KIAA2012: variants seen among roughly 807,000 people sequenced by gnomAD.
KIAA2012 encodes the protein uncharacterized protein KIAA2012.
Under a neutral mutation model 150.6 loss-of-function variants are expected in KIAA2012, and 125 were observed. That is an observed-to-expected ratio of 0.83 (90% CI 0.72 to 0.96). The LOEUF is 0.96. Among genes scored for constraint, KIAA2012 ranks in the 40% least tolerant of loss-of-function variants. The pLI is 0.00. For synonymous variants in KIAA2012, 462 were observed against 504.7 expected, an observed-to-expected ratio of 0.92 and a Z score of 1.13; for missense variants, 1,219 against 1,354.9, an observed-to-expected ratio of 0.90 and a Z score of 1.57.
chr2:202,165,234 T>A, intron 14 of KIAA2012, 50 bp from the exon 15 acceptor site: 1 of 1,505,312 alleles, frequency 6.6e-7, no homozygotes, highest in Non-Finnish European at 9.0e-7. Flanking sequence ...GTTTTAAGTG[T>A]TTGCATTTAT....
chr2:202,196,619 CTT>C (rs1692420147), intron 21 of KIAA2012, among the ~76,000 whole-genome samples, 179 bp from the exon 22 acceptor site: 1 of 152,118 alleles, frequency 6.6e-6, no homozygotes, highest in Non-Finnish European at 1.5e-5. Context: ...ATAAAGGACT[CTT>C]AAATTAGTAA....
intron 14 of KIAA2012, among the ~76,000 whole-genome samples, chr2:202,163,802 TTTTTTTC>T (rs1358267773): frequency 0.066 from 6,731 of 101,758 alleles, 491 homozygotes; most frequent in African/African-American, 0.21. Context: ...TTTTTTTTTT[TTTTTTTC>T]CTGTACCAGG....
rs748132200 is a variant in KIAA2012 at position 202,097,429 on chromosome 2, T to C, written c.686-6T>C. The C allele has an allele frequency of 9.7e-6, 15 of 1,550,342 alleles. No individual in the cohort carries two copies. Among genetic ancestry groups the C allele is most frequent in the South Asian group, 7.1e-5 (6 of 84,048 alleles). ...TGACAAGCTGACCCATTGTTCACCA[T>C]TGCAGGTCAACAGGGCCTGGATGAA... is the stretch of plus-strand genomic sequence containing the variant. On this transcript the variant is annotated splice_polypyrimidine_tract_variant and splice_region_variant and intron_variant, in intron 4 of 23. Transcript: ENST00000498697.
intron 12 of KIAA2012, among the ~76,000 whole-genome samples, chr2:202,128,131 C>G (rs4675263): frequency 2.0e-3 from 310 of 151,710 alleles, no homozygotes; most frequent in African/African-American, 7.0e-3. Flanking sequence ...TTCCCTTCCC[C>G]CTCCCTGCCG....
intron 22 of KIAA2012, among the ~76,000 whole-genome samples, chr2:202,198,046 C>T (rs1202693681): frequency 6.7e-6 from 1 of 150,320 alleles, no homozygotes; most frequent in East Asian, 2.0e-4. Flanking sequence ...TGGTGGCAGG[C>T]ACCTGTCATT....
intron 18 of KIAA2012, 45 bp downstream of exon 18, chr2:202,188,311 T>C: frequency 1.4e-6 from 2 of 1,480,250 alleles, no homozygotes; most frequent in Non-Finnish European, 1.8e-6. Context: ...AAGACTTCTG[T>C]TAGGGGTCGG....
At chr2:202,096,214 A>G (rs1031608679) in intron 4 of KIAA2012, among the ~76,000 whole-genome samples, 2 of 152,218 alleles carry the variant, frequency 1.3e-5, no homozygotes, top group Non-Finnish European at 2.9e-5. Context: ...TTTGACCCCA[A>G]GGAATCATTC....
At chr2:202,086,408 T>C (rs1689573678) in intron 2 of KIAA2012, among the ~76,000 whole-genome samples, 1 of 152,114 alleles carries the variant, frequency 6.6e-6, no homozygotes, top group African/African-American at 2.4e-5. Flanking sequence ...GGCTCCATAT[T>C]TCAGGGCCCA....
chr2:202,196,446 C>T (rs1009637369), intron 21 of KIAA2012, among the ~76,000 whole-genome samples: 2 of 151,822 alleles, frequency 1.3e-5, no homozygotes, highest in African/African-American at 4.8e-5. Flanking sequence ...CCGCCCGCCT[C>T]GGCCTCCCAA....
chr2:202,198,654 G>C (rs925796331), intron 22 of KIAA2012, among the ~76,000 whole-genome samples: 1 of 152,174 alleles, frequency 6.6e-6, no homozygotes, highest in South Asian at 2.1e-4. Context: ...GCTACATCAT[G>C]AACTTCCCTT....
At chr2:202,188,069 C>A (rs1692263408) in intron 17 of KIAA2012, 83 bp from the exon 18 acceptor site, 2 of 1,144,580 alleles carry the variant, frequency 1.7e-6, no homozygotes, top group Admixed American at 4.8e-5. Context: ...CAGTGTGTCA[C>A]CTTGTTCAAC....
intron 17 of KIAA2012, 99 bp downstream of exon 17, chr2:202,187,197 C>A: frequency 1.5e-6 from 2 of 1,330,692 alleles, no homozygotes; most frequent in Non-Finnish European, 2.0e-6. Flanking sequence ...TATGAGGGCA[C>A]CCGATAAAGG....
chr2:202,093,212 T>C, intron 4 of KIAA2012, 27 bp downstream of exon 4: 1 of 1,547,774 alleles, frequency 6.5e-7, no homozygotes, highest in South Asian at 1.2e-5. Context: ...ATGTTGATTT[T>C]ATGACCAGTT....
intron 13 of KIAA2012, among the ~76,000 whole-genome samples, chr2:202,142,496 AG>A (rs1050362579): frequency 1.3e-5 from 2 of 152,210 alleles, no homozygotes; most frequent in Non-Finnish European, 2.9e-5. Context: ...GATTTTGGGG[AG>A]GTTTAGAATC....
chr2:202,197,084 A>G, intron 22 of KIAA2012, 65 bp downstream of exon 22: 1 of 1,546,300 alleles, frequency 6.5e-7, no homozygotes, highest in South Asian at 1.2e-5. Flanking sequence ...GTCCAGTGCT[A>G]GTGCTAGCTT....
intron 22 of KIAA2012, among the ~76,000 whole-genome samples, chr2:202,200,211 G>T (rs1246917329): frequency 6.6e-6 from 1 of 151,994 alleles, no homozygotes; most frequent in African/African-American, 2.4e-5. Context: ...GATTACAGGC[G>T]TGAGCCACTG....
intron 12 of KIAA2012, among the ~76,000 whole-genome samples, chr2:202,132,558 G>A (rs35379387): frequency 6.6e-6 from 1 of 150,650 alleles, no homozygotes; most frequent in Non-Finnish European, 1.5e-5. Context: ...TCCCAGCTAC[G>A]CGGGAGGGGT....
chr2:202,185,259 G>A (rs1476255059), intron 16 of KIAA2012, among the ~76,000 whole-genome samples: 3 of 152,176 alleles, frequency 2.0e-5, no homozygotes, highest in South Asian at 2.1e-4. Context: ...TTGCTAGCCC[G>A]TATTGAGTGC....
At chr2:202,197,297 G>C (rs983170807) in intron 22 of KIAA2012, 1 of 485,948 alleles carries the variant, frequency 2.1e-6, no homozygotes, top group African/African-American at 1.9e-5. Flanking sequence ...AAGAGGGAAA[G>C]GATCTTGATC....
Sources: allele counts gnomAD v4.1 joint callset (sites outside exome capture counted in the v4.1 genomes callset), GRCh38; gene constraint gnomAD v4.1.1; transcripts MANE v1.5; gene names NCBI Gene and HGNC (gene_info 2026-07-23, HGNC 2026-07-21).